Variants in DEPDC5 observed in about 807,000 individuals in gnomAD.
DEPDC5 encodes the protein DEP domain containing 5, GATOR1 subcomplex subunit, also known as GATOR1 complex protein DEPDC5.
A neutral mutation model predicts 217.3 loss-of-function variants in DEPDC5; 73 were observed. The ratio of observed to expected loss-of-function variants is 0.34; its 90% CI spans 0.28 to 0.41. The LOEUF (loss-of-function observed/expected upper bound fraction) is 0.41. Among genes scored for constraint, DEPDC5 ranks in the 10% least tolerant of loss-of-function variants. DEPDC5 has a pLI of 1.00. For synonymous variants in DEPDC5, 733 were observed against 756.7 expected, an observed-to-expected ratio of 0.97 and a Z score of 0.51; for missense variants, 1,675 against 2,070.1, an observed-to-expected ratio of 0.81 and a Z score of 3.70.
At chr22:31,857,185 T>C (rs1375833375) in intron 31 of DEPDC5, among the ~76,000 whole-genome samples, 1 of 152,206 alleles carries the variant, frequency 6.6e-6, no homozygotes, top group African/African-American at 2.4e-5. Context: ...GTCAGTCCCC[T>C]TTTTAAGGTC....
chr22:31,763,285 G>A (rs1017705217), intron 4 of DEPDC5, among the ~76,000 whole-genome samples: 2 of 151,866 alleles, frequency 1.3e-5, no homozygotes, highest in Non-Finnish European at 2.9e-5. Flanking sequence ...CACCATGCCC[G>A]GCCTAATTTT....
At chr22:31,774,694 T>G (rs2083663415) in intron 7 of DEPDC5, among the ~76,000 whole-genome samples, 1 of 151,320 alleles carries the variant, frequency 6.6e-6, no homozygotes, top group Non-Finnish European at 1.5e-5. Flanking sequence ...TACAAAAAAA[T>G]TAGCTGGGTG....
In DEPDC5 at chr22:31,861,410, G is replaced by T. The variant is rs770941501; in HGVS notation, c.3307G>T (p.Ala1103Ser). Residue 1103 changes from alanine to serine, a missense_variant, in exon 33 of 43, where the codon GCA becomes TCA. Physicochemically the swap from Ala to Ser is moderately conservative, Grantham distance 99 (BLOSUM62 1). Around this residue, in one of 11 missense-constraint regions of DEPDC5, gnomAD observed 126 missense variants for 113.8 expected, o/e 1.11. Coordinates refer to ENST00000651528, the MANE Select transcript of DEPDC5 (RefSeq NM_001242896.3). ...FMEFVRSPRT[A>S]SSAFYPQVSV... is the part of the protein sequence containing the mutation. ...GGAGTTTGTCCGCAGCCCACGCACAGCATCGTCCGCCTTCTACCCTCAGGT... is the reference window on the plus strand; with the variant it reads ...GGAGTTTGTCCGCAGCCCACGCACATCATCGTCCGCCTTCTACCCTCAGGT... 10 of 1,551,470 alleles carry T rather than the reference G, an allele frequency of 6.4e-6. No individual in the cohort carries two copies. Among genetic ancestry groups the T allele is most frequent in the Non-Finnish European group, 1.7e-6 (2 of 1,146,966 alleles).
At chr22:31,888,374 C>T (rs541008204) in intron 38 of DEPDC5, among the ~76,000 whole-genome samples, 6 of 151,320 alleles carry the variant, frequency 4.0e-5, no homozygotes, top group Admixed American at 6.6e-5. Flanking sequence ...CTCAGCCTCC[C>T]GAGTAGCTGG....
chr22:31,791,038 C>A (rs1359040639), intron 10 of DEPDC5, among the ~76,000 whole-genome samples: 1 of 152,038 alleles, frequency 6.6e-6, no homozygotes, highest in Non-Finnish European at 1.5e-5. Context: ...TGAGCCACCA[C>A]GCCCAGCCGA....
chr22:31,895,236 C>T (rs770189971), intron 39 of DEPDC5, among the ~76,000 whole-genome samples: 8 of 151,850 alleles, frequency 5.3e-5, no homozygotes, highest in Non-Finnish European at 1.2e-4. Context: ...CAAAGCTGCT[C>T]ATCATCCTAT....
At position 31,802,852 on chromosome 22, in the gene DEPDC5, G is replaced by A. The variant is rs756643702; in HGVS notation, c.1081+14G>A. ...TGATAGATAATGGTAATGCTCTCTG[G>A]TTTGTGCCCTGTCTCCACATGTTCC... On this transcript the variant is annotated intron_variant, in intron 15 of 42. Transcript: ENST00000651528. 1.3e-6 allele frequency: 2 copies of A among 1,582,290 alleles called. No homozygotes were observed. The highest frequency in any genetic ancestry group is 1.7e-6 in the Non-Finnish European group (2 of 1,164,382).
chr22:31,812,615 G>T (rs1425504092), intron 20 of DEPDC5, among the ~76,000 whole-genome samples: 1 of 146,854 alleles, frequency 6.8e-6, no homozygotes, highest in Non-Finnish European at 1.5e-5. Flanking sequence ...TAGTAGAGAC[G>T]GGGTTTCACC....
At chr22:31,864,553 ATTTC>A (rs72231149) in intron 33 of DEPDC5, among the ~76,000 whole-genome samples, 8,242 of 134,410 alleles carry the variant, frequency 0.061, 308 homozygotes, top group African/African-American at 0.087. Flanking sequence ...TACTGTGTGT[ATTTC>A]TTCATTTGTA....
chr22:31,760,610 G>GT (rs780602183), intron 3 of DEPDC5, 46 bp from the exon 4 acceptor site: 2 of 1,571,996 alleles, frequency 1.3e-6, no homozygotes, highest in Non-Finnish European at 8.7e-7. Flanking sequence ...TTGCTAGGGA[G>GT]TTACTGTTCA....
chr22:31,813,487 C>T (rs988012898), intron 20 of DEPDC5, among the ~76,000 whole-genome samples: 4 of 152,042 alleles, frequency 2.6e-5, no homozygotes, highest in African/African-American at 7.2e-5. Context: ...TTTCAGGCTC[C>T]GTTTAAGCTC....
At position 31,822,793 on chromosome 22, in the gene DEPDC5, A is replaced by T; in HGVS notation, c.2104+3A>T. 1 of 1,613,678 alleles carries T rather than the reference A, an allele frequency of 6.2e-7. No homozygotes were observed. Among genetic ancestry groups the T allele is most frequent in the Non-Finnish European group, 8.5e-7 (1 of 1,179,796 alleles). ...CCTGCTTAGCAACAGTGGTGCAGGT[A>T]ACCAATCCAAGAGGTAATAGAGTTG... On this transcript the variant is annotated splice_donor_region_variant and intron_variant, in intron 24 of 42. Transcript: ENST00000651528.
In DEPDC5 at chr22:31,788,435, C is replaced by T. The variant is rs115250860; in HGVS notation, c.624+3560C>T. On this transcript the variant is annotated intron_variant, in intron 10 of 42. Transcript: ENST00000651528. ...GACTACAGGCATGTGCCACTATGCC[C>T]GGGCAATTTTTTTTTTTTTTTTGGT... Among the ~76,000 whole-genome samples the T allele has an allele frequency of 3.1e-3, 466 of 151,068 alleles. 4 individuals are homozygous for T. The highest frequency in any genetic ancestry group is 0.011 in the African/African-American group (451 of 41,036).
chr22:31,829,747 G>A (rs1333935229), intron 24 of DEPDC5, among the ~76,000 whole-genome samples: 1 of 152,122 alleles, frequency 6.6e-6, no homozygotes, highest in Non-Finnish European at 1.5e-5. Context: ...GTTGTTGGTG[G>A]GGACCTGGTA....
intron 4 of DEPDC5, among the ~76,000 whole-genome samples, chr22:31,763,777 A>G: frequency 6.6e-6 from 1 of 152,016 alleles, no homozygotes; most frequent in East Asian, 1.9e-4. Flanking sequence ...TTGAGGAGAA[A>G]ACATTCTATA....
chr22:31,867,030 G>A (rs1299869051), intron 33 of DEPDC5, among the ~76,000 whole-genome samples: 2 of 152,292 alleles, frequency 1.3e-5, no homozygotes, highest in African/African-American at 2.4e-5. Flanking sequence ...ACTCTAAAGC[G>A]GAGGGGGGAG....
intron 10 of DEPDC5, among the ~76,000 whole-genome samples, chr22:31,787,656 A>G (rs2085145445): frequency 6.6e-6 from 1 of 152,132 alleles, no homozygotes; most frequent in African/African-American, 2.4e-5. Context: ...ATAAAAATAG[A>G]AAAAAATTAG....
chr22:31,817,257 C>T (rs1035112822), intron 21 of DEPDC5, among the ~76,000 whole-genome samples: 2 of 151,876 alleles, frequency 1.3e-5, no homozygotes, highest in African/African-American at 2.4e-5. Context: ...TCACAGGTGC[C>T]TGCCACCATG....
intron 10 of DEPDC5, among the ~76,000 whole-genome samples, chr22:31,786,449 A>T (rs1168803812): frequency 6.7e-6 from 1 of 149,486 alleles, no homozygotes; most frequent in Non-Finnish European, 1.5e-5. Flanking sequence ...AAAAAAAGGG[A>T]AAAAATTTTC....
Sources: allele counts gnomAD v4.1 joint callset (sites outside exome capture counted in the v4.1 genomes callset), GRCh38; gene constraint gnomAD v4.1.1; regional missense constraint gnomAD v4.1.1; transcripts MANE v1.5; gene names NCBI Gene and HGNC (gene_info 2026-07-23, HGNC 2026-07-21).